Variants in TBC1D1 observed in about 807,000 individuals in gnomAD.
TBC1D1 encodes the protein TBC1 (tre-2/USP6, BUB2, cdc16) domain family, member 1.
Under a neutral mutation model 125.6 loss-of-function variants are expected in TBC1D1, and 89 were observed. That is an observed-to-expected ratio of 0.71 (90% CI 0.60 to 0.85). TBC1D1 has a LOEUF of 0.85. Among genes scored for constraint, TBC1D1 ranks in the 40% least tolerant of loss-of-function variants. The pLI is 0.00. For missense variants in TBC1D1, 1,377 were observed against 1,469.2 expected, an observed-to-expected ratio of 0.94 and a Z score of 1.03; for synonymous variants, 565 against 564.1, an observed-to-expected ratio of 1.00 and a Z score of -0.02.
Position 38,096,843 on chromosome 4 carries a change from C to T in TBC1D1, c.2398+753C>T, listed in dbSNP as rs544434958. On this transcript the variant is annotated intron_variant, in intron 14 of 19. Coordinates refer to ENST00000261439, the MANE Select transcript of TBC1D1 (RefSeq NM_015173.4). ...TTCTACTAATTTATTTTTACTGTATCGTATAAAAATATCAGCCTGTAGTAG... is the reference window on the plus strand; with the variant it reads ...TTCTACTAATTTATTTTTACTGTATTGTATAAAAATATCAGCCTGTAGTAG... Among the ~76,000 whole-genome samples the T allele has an allele frequency of 8.6e-5, 13 of 151,026 alleles. No individual in the cohort carries two copies. In the East Asian group the frequency reaches 1.9e-3, roughly 23 times the overall value.
intron 1 of TBC1D1, among the ~76,000 whole-genome samples, chr4:37,901,142 A>G (rs1201247437): frequency 1.3e-5 from 2 of 151,226 alleles, no homozygotes; most frequent in Non-Finnish European, 2.9e-5. Context: ...TGGGTTTGGT[A>G]GAAGCGTTTT....
intron 12 of TBC1D1, among the ~76,000 whole-genome samples, chr4:38,071,763 C>G (rs2152511793): frequency 6.6e-6 from 1 of 152,246 alleles, no homozygotes; most frequent in East Asian, 1.9e-4. Flanking sequence ...CTCATAATAC[C>G]CTGAGTCTGT....
chr4:38,079,531 C>G (rs1217616470), intron 12 of TBC1D1, among the ~76,000 whole-genome samples: 1 of 152,054 alleles, frequency 6.6e-6, no homozygotes, highest in African/African-American at 2.4e-5. Flanking sequence ...CGACACCTGA[C>G]TTGGTCAACG....
At chr4:38,005,296 T>C (rs1739903184) in intron 2 of TBC1D1, among the ~76,000 whole-genome samples, 1 of 152,374 alleles carries the variant, frequency 6.6e-6, no homozygotes, top group Non-Finnish European at 1.5e-5. Context: ...GTTGTTGCAG[T>C]TCTGATACAT....
chr4:38,135,114 CACTG>C (rs1430330108), intron 19 of TBC1D1, among the ~76,000 whole-genome samples: 1 of 152,200 alleles, frequency 6.6e-6, no homozygotes, highest in Non-Finnish European at 1.5e-5. Flanking sequence ...ACTTTTCAGA[CACTG>C]ACAAGGAAGG....
intron 2 of TBC1D1, among the ~76,000 whole-genome samples, chr4:37,904,563 C>T (rs991183234): frequency 2.6e-5 from 4 of 152,220 alleles, no homozygotes; most frequent in African/African-American, 4.8e-5. Context: ...GCCAGTCATT[C>T]GGATGCCTGA....
intron 7 of TBC1D1, among the ~76,000 whole-genome samples, chr4:38,035,122 G>T (rs929330374): frequency 2.0e-5 from 3 of 152,182 alleles, no homozygotes; most frequent in African/African-American, 7.2e-5. Flanking sequence ...TTGTATGGAA[G>T]GGGGTGCCCC....
chr4:38,000,644 T>G (rs1442567811), intron 2 of TBC1D1, among the ~76,000 whole-genome samples: 1 of 152,234 alleles, frequency 6.6e-6, no homozygotes, highest in Non-Finnish European at 1.5e-5. Context: ...TGAACACTTC[T>G]GACATCAGAT....
At chr4:38,040,094 A>G (rs567069915) in intron 8 of TBC1D1, among the ~76,000 whole-genome samples, 19 of 152,264 alleles carry the variant, frequency 1.2e-4, no homozygotes, top group African/African-American at 4.6e-4. Context: ...TAAACATTTT[A>G]TTTTAATTAT....
intron 2 of TBC1D1, among the ~76,000 whole-genome samples, chr4:37,939,454 T>C (rs1725080387): frequency 6.6e-6 from 1 of 152,230 alleles, no homozygotes; most frequent in African/African-American, 2.4e-5. Context: ...TGCAAAAACT[T>C]TCTCCCATTC....
intron 15 of TBC1D1, among the ~76,000 whole-genome samples, chr4:38,115,268 T>C (rs1470939731): frequency 2.0e-5 from 3 of 152,030 alleles, no homozygotes; most frequent in African/African-American, 7.2e-5. Flanking sequence ...GCCTGACTAA[T>C]TTTTTCTATT....
intron 1 of TBC1D1, among the ~76,000 whole-genome samples, chr4:37,900,062 A>G (rs151308945): frequency 0.027 from 4,143 of 151,190 alleles, 193 homozygotes; most frequent in African/African-American, 0.095. Context: ...CGGAGCTTGC[A>G]GTGAGCCGAG....
At chr4:38,071,595 C>T (rs551618487) in intron 12 of TBC1D1, among the ~76,000 whole-genome samples, 1 of 152,274 alleles carries the variant, frequency 6.6e-6, no homozygotes, top group African/African-American at 2.4e-5. Flanking sequence ...TGATTGTGAT[C>T]TGTCATTGTG....
At chr4:38,085,222 G>A (rs536516973) in intron 12 of TBC1D1, among the ~76,000 whole-genome samples, 1 of 152,326 alleles carries the variant, frequency 6.6e-6, no homozygotes, top group East Asian at 1.9e-4. Context: ...GAGTGTCACA[G>A]CAATGATTTA....
chr4:38,071,800 T>C (rs983637323), intron 12 of TBC1D1, among the ~76,000 whole-genome samples: 10 of 152,218 alleles, frequency 6.6e-5, no homozygotes, highest in Admixed American at 3.3e-4. Flanking sequence ...TACTTGGTAT[T>C]ATTGATAGAT....
chr4:37,948,359 G>A (rs1487451969), intron 2 of TBC1D1, among the ~76,000 whole-genome samples: 1 of 152,216 alleles, frequency 6.6e-6, no homozygotes, highest in Admixed American at 6.5e-5. Context: ...GGGCGTGGTG[G>A]CTCACGCCTG....
chr4:38,008,499 G>A (rs1179109907), intron 2 of TBC1D1, among the ~76,000 whole-genome samples: 1 of 152,178 alleles, frequency 6.6e-6, no homozygotes, highest in Non-Finnish European at 1.5e-5. Flanking sequence ...TCACAACCAG[G>A]GAAGCTGAAT....
intron 1 of TBC1D1, among the ~76,000 whole-genome samples, chr4:37,895,325 G>A (rs1263907772): frequency 1.3e-5 from 2 of 152,152 alleles, no homozygotes; most frequent in Non-Finnish European, 2.9e-5. Flanking sequence ...ATCTCTGAGG[G>A]CCAGCTAGGA....
At chr4:38,038,135 T>A (rs1747583050) in intron 8 of TBC1D1, among the ~76,000 whole-genome samples, 1 of 152,222 alleles carries the variant, frequency 6.6e-6, no homozygotes. Flanking sequence ...AGTCAAGCAG[T>A]TACTAGTGAG....
Sources: allele counts gnomAD v4.1 joint callset (sites outside exome capture counted in the v4.1 genomes callset), GRCh38; gene constraint gnomAD v4.1.1; transcripts MANE v1.5; gene names NCBI Gene and HGNC (gene_info 2026-07-23, HGNC 2026-07-21).